Variants in SLMAP observed in about 807,000 individuals in gnomAD.
SLMAP encodes the protein sarcolemma associated protein.
A neutral mutation model predicts 128.8 loss-of-function variants in SLMAP; 44 were observed. The ratio of observed to expected loss-of-function variants is 0.34; its 90% CI spans 0.27 to 0.44. The LOEUF is 0.44. Among genes scored for constraint, SLMAP ranks in the 20% least tolerant of loss-of-function variants. SLMAP has a pLI of 1.00. For missense variants in SLMAP, 787 were observed against 985.3 expected (o/e 0.80, Z 2.69); for synonymous variants, 327 against 348.8 (o/e 0.94, Z 0.70).
At chr3:57,890,748 A>G (rs2096043893) in intron 15 of SLMAP, 1 of 152,246 alleles carries the variant, frequency 6.6e-6, no homozygotes, top group African/African-American at 2.4e-5. Flanking sequence ...ATTTGGTGGC[A>G]TGTGTTTATC....
At chr3:57,826,655 G>A (rs1278433664) in intron 2 of SLMAP, among the ~76,000 whole-genome samples, 1 of 152,192 alleles carries the variant, frequency 6.6e-6, no homozygotes, top group Non-Finnish European at 1.5e-5. Context: ...CTGGAAGGTA[G>A]CTTTGGTTGG....
chr3:57,904,088 A>G (rs1249497010), intron 17 of SLMAP, among the ~76,000 whole-genome samples: 2 of 152,214 alleles, frequency 1.3e-5, no homozygotes, highest in Non-Finnish European at 2.9e-5. Flanking sequence ...GGTTTTCTAG[A>G]AAGAGGATCT....
At chr3:57,849,188 C>T (rs1380619705) in intron 5 of SLMAP, among the ~76,000 whole-genome samples, 1 of 152,070 alleles carries the variant, frequency 6.6e-6, no homozygotes, top group Admixed American at 6.6e-5. Flanking sequence ...TGCGCCCGGC[C>T]CTTTTTTGTT....
intron 13 of SLMAP, among the ~76,000 whole-genome samples, chr3:57,870,310 T>C (rs897579024): frequency 7.9e-5 from 12 of 152,192 alleles, no homozygotes; most frequent in African/African-American, 2.7e-4. Flanking sequence ...GGCTCCCGTT[T>C]TGCTTTTCCT....
At chr3:57,825,400 G>GAAGGA (rs1224714019) in intron 2 of SLMAP, among the ~76,000 whole-genome samples, 4 of 151,388 alleles carry the variant, frequency 2.6e-5, no homozygotes, top group Non-Finnish European at 4.4e-5. Context: ...ATCATGTTGA[G>GAAGGA]GAAGTTCCCT....
intron 3 of SLMAP, among the ~76,000 whole-genome samples, chr3:57,837,432 G>A (rs1003445662): frequency 4.6e-5 from 7 of 152,110 alleles, no homozygotes; most frequent in Non-Finnish European, 1.0e-4. Context: ...GCAGTGGCAC[G>A]ATTTCGGTTC....
chr3:57,772,448 C>G (rs138400303), intron 2 of SLMAP, among the ~76,000 whole-genome samples: 3 of 152,276 alleles, frequency 2.0e-5, no homozygotes, highest in Admixed American at 6.5e-5. Context: ...GGAGTCACAG[C>G]CAAAATCGTG....
At chr3:57,781,249 T>C (rs147247283) in intron 2 of SLMAP, among the ~76,000 whole-genome samples, 26 of 152,056 alleles carry the variant, frequency 1.7e-4, no homozygotes, top group African/African-American at 5.3e-4. Context: ...AGATAAGATT[T>C]TCTTAAATTC....
chr3:57,831,354 C>T (rs770519369), intron 2 of SLMAP, 29 bp from the exon 3 acceptor site: 1 of 1,410,272 alleles, frequency 7.1e-7, no homozygotes, highest in Non-Finnish European at 9.4e-7. Context: ...TAATATTTGG[C>T]CCTTTTTTGT....
chr3:57,862,002 A>G lies in SLMAP; in HGVS notation c.882A>G (p.Glu294=), dbSNP rs2095090468. Residue 294 remains glutamate (E), a synonymous_variant, in exon 10 of 25, where the codon GAA becomes GAG. Transcript: ENST00000671191. ...GTACCCATCTGAAAGAAATGAATGA[A>G]AGGACTCAGGAAGAATTAAGAGAAT... is the stretch of plus-strand genomic sequence containing the variant. ...DECTHLKEMN[E]RTQEELRELA... 6.2e-7 allele frequency: 1 copy of G among 1,609,892 alleles called. No individual in the cohort carries two copies. Among genetic ancestry groups the G allele is most frequent in the South Asian group, 1.1e-5 (1 of 90,970 alleles).
chr3:57,801,536 C>T (rs532124789), intron 2 of SLMAP: 1 of 152,286 alleles, frequency 6.6e-6, no homozygotes, highest in South Asian at 2.1e-4. Context: ...TTATACTCTG[C>T]ACCAGGCTGC....
intron 2 of SLMAP, among the ~76,000 whole-genome samples, chr3:57,772,928 T>C (rs6445928): frequency 0.64 from 96,584 of 152,028 alleles, 31,307 homozygotes; most frequent in East Asian, 0.98. Context: ...GTGTGAGCCA[T>C]CACGCCCAGC....
At chr3:57,897,253 G>C (rs189683578) in intron 17 of SLMAP, 14 of 506,520 alleles carry the variant, frequency 2.8e-5, no homozygotes, top group Middle Eastern at 5.9e-4. Flanking sequence ...AGAATAAGGT[G>C]AAAATCTTAA....
intron 19 of SLMAP, among the ~76,000 whole-genome samples, chr3:57,911,418 C>T (rs1348694058): frequency 6.6e-6 from 1 of 152,132 alleles, no homozygotes; most frequent in Non-Finnish European, 1.5e-5. Flanking sequence ...CTACAATTTC[C>T]TTATAATATG....
intron 3 of SLMAP, among the ~76,000 whole-genome samples, chr3:57,835,991 A>G (rs1166065964): frequency 6.6e-6 from 1 of 152,182 alleles, no homozygotes; most frequent in Non-Finnish European, 1.5e-5. Flanking sequence ...GTATCATACT[A>G]AAAACAATGG....
At chr3:57,890,357 T>C (rs1158350489) in intron 15 of SLMAP, 2 of 343,020 alleles carry the variant, frequency 5.8e-6, no homozygotes, top group Non-Finnish European at 1.1e-5. Context: ...TAGGTTTCTT[T>C]AGGTATTAAA....
intron 2 of SLMAP, among the ~76,000 whole-genome samples, chr3:57,793,508 A>G (rs775176684): frequency 7.2e-5 from 11 of 152,178 alleles, no homozygotes; most frequent in South Asian, 2.1e-4. Context: ...TCTATCTTTC[A>G]TCATTACCTC....
chr3:57,792,908 G>A (rs779385977), intron 2 of SLMAP, among the ~76,000 whole-genome samples: 3 of 151,976 alleles, frequency 2.0e-5, no homozygotes, highest in African/African-American at 7.3e-5. Flanking sequence ...GAGGCTAAGC[G>A]GGGTGGATTG....
At chr3:57,864,383 AAAAG>A (rs1385754070) in intron 10 of SLMAP, among the ~76,000 whole-genome samples, 161 bp from the exon 11 acceptor site, 10 of 152,314 alleles carry the variant, frequency 6.6e-5, no homozygotes, top group Admixed American at 3.3e-4. Flanking sequence ...CTCAAAAAAA[AAAAG>A]AAAGAAAGAA....
Sources: gnomAD v4.1 joint callset for allele counts (sites outside exome capture counted in the v4.1 genomes callset) on GRCh38, gnomAD v4.1.1 for gene constraint, MANE v1.5 for transcripts, NCBI Gene and HGNC (gene_info 2026-07-23, HGNC 2026-07-21) for gene names.